Variants in MED25 observed in about 807,000 individuals in gnomAD.
The protein encoded by MED25 is mediator of RNA polymerase II transcription subunit 25.
Under a neutral mutation model 89.4 loss-of-function variants are expected in MED25, and 62 were observed. The ratio of observed to expected loss-of-function variants is 0.69; its 90% CI spans 0.57 to 0.86. MED25 has a LOEUF of 0.86. Ranked by LOEUF, MED25 falls within the 40% of genes least tolerant of loss-of-function variation. The pLI, the probability that MED25 is intolerant of heterozygous loss-of-function variation, is 0.00. For synonymous variants in MED25, 449 were observed against 427.9 expected (o/e 1.05, Z -0.61); for missense variants, 905 against 1,005.2 (o/e 0.90, Z 1.35).
chr19:49,826,516 A>G (rs536474341), intron 3 of MED25, among the ~76,000 whole-genome samples: 16 of 152,224 alleles, frequency 1.1e-4, no homozygotes, highest in Admixed American at 9.2e-4. Context: ...CAGGAAGCGG[A>G]GAGCCCCGCT....
At chr19:49,825,881 A>G (rs2074012201) in intron 3 of MED25, among the ~76,000 whole-genome samples, 1 of 152,022 alleles carries the variant, frequency 6.6e-6, no homozygotes, top group South Asian at 2.1e-4. Flanking sequence ...TGCATGAAGC[A>G]CTAGCTCCCC....
At position 49,829,199 on chromosome 19, in the gene MED25, G is replaced by A. The variant is rs774188120; in HGVS notation, c.525+109G>A. 3.6e-4 allele frequency: 350 copies of A among 979,646 alleles called. No individual in the cohort carries two copies. The highest frequency in any genetic ancestry group is 5.3e-4 in the Non-Finnish European group (336 of 636,054). The allele number at this position is 979,646 out of a possible 1,614,324, so 60.7% of individuals were successfully genotyped here. The stretch of plus-strand genomic sequence containing the variant: ...CCTGGGTCTGAGGGAGGAGGCACTG[G>A]GGGCCTGGACTCTTGGGTCTAAGCG... On this transcript the variant is annotated intron_variant, in intron 5 of 17. Coordinates refer to ENST00000312865, the MANE Select transcript of MED25 (RefSeq NM_030973.4). The surrounding 1 kb of genome is among the most constrained non-coding windows in gnomAD (Gnocchi z 4.6).
downstream of MED25, chr19:49,838,565 TG>T (rs1218057016): frequency 1.1e-5 from 5 of 457,286 alleles, no homozygotes; most frequent in Non-Finnish European, 2.2e-5. Flanking sequence ...CTTGTACCCA[TG>T]TCTCTATCAC....
At chr19:49,832,499 G>A (rs1337300692) in intron 13 of MED25, 84 bp downstream of exon 13, 5 of 872,980 alleles carry the variant, frequency 5.7e-6, no homozygotes, top group Non-Finnish European at 7.5e-6. Flanking sequence ...CAGAGTGCCT[G>A]GGCCCACGGA....
In MED25 at chr19:49,828,954, C is replaced by A. The variant is rs1394323521; in HGVS notation, c.405-16C>A. 6.8e-6 allele frequency: 11 copies of A among 1,613,940 alleles called. No homozygotes were observed. Among genetic ancestry groups the A allele is most frequent in the Non-Finnish European group, 8.5e-6 (10 of 1,179,970 alleles). ...TCTGTTGCTGCTGGCTCCATGTCTT[C>A]TCTCTTTCCTGGTAGTGGCCAGACG... On this transcript the variant is annotated splice_polypyrimidine_tract_variant and intron_variant, in intron 4 of 17. Transcript: ENST00000312865.
At chr19:49,827,927 T>A (rs952406629) in intron 3 of MED25, among the ~76,000 whole-genome samples, 4 of 152,010 alleles carry the variant, frequency 2.6e-5, no homozygotes, top group Admixed American at 2.0e-4. Flanking sequence ...CCAGTCCTCA[T>A]GATTAAAGAC....
At chr19:49,826,052 G>GT (rs1161450916) in intron 3 of MED25, among the ~76,000 whole-genome samples, 3 of 151,958 alleles carry the variant, frequency 2.0e-5, no homozygotes, top group Non-Finnish European at 4.4e-5. Context: ...GTGCAAAGCT[G>GT]TCTTGATGCC....
At chr19:49,827,414 T>C (rs917197897) in intron 3 of MED25, among the ~76,000 whole-genome samples, 6 of 152,078 alleles carry the variant, frequency 3.9e-5, no homozygotes, top group Non-Finnish European at 8.8e-5. Flanking sequence ...AAGTCCAAAA[T>C]CCAGGTGGTA....
chr19:49,831,878 C>A lies in MED25; in HGVS notation c.1231-58C>A. 6.7e-7 allele frequency: 1 copy of A among 1,502,870 alleles called. No individual in the cohort carries two copies. The highest frequency in any genetic ancestry group is 9.3e-7 in the Non-Finnish European group (1 of 1,079,130). The allele number at this position is 1,502,870 out of a possible 1,614,324, so 93.1% of individuals were successfully genotyped here. ...GGGCTACCAGGGTAGGACATGAGGG[C>A]TCAAGGGGACTGAGGCTTATGGCCC... is the stretch of plus-strand genomic sequence containing the variant. On this transcript the variant is annotated intron_variant, in intron 10 of 17. Transcript: ENST00000312865. This position sits in a 1 kb window ranked among gnomAD's most constrained non-coding sequence, Gnocchi z 5.0.
intron 2 of MED25, 165 bp downstream of exon 2, chr19:49,818,781 T>G: frequency 1.4e-6 from 1 of 729,240 alleles, no homozygotes. Flanking sequence ...GGGCCTGGAC[T>G]CCTGGGTCTG....
Position 49,836,727 on chromosome 19 carries a change from G to A in MED25, c.2147-120G>A. ...GGAAACAGCATATTTGTAACTAGAT[G>A]GGGCCAGAAGGTGCTTCTGTTGGGT... On this transcript the variant is annotated intron_variant, in intron 17 of 17. Coordinates refer to ENST00000312865, the MANE Select transcript of MED25 (RefSeq NM_030973.4). The surrounding 1 kb of genome is among the most constrained non-coding windows in gnomAD (Gnocchi z 5.1). 1.3e-6 allele frequency: 1 copy of A among 786,032 alleles called. No individual in the cohort carries two copies. The highest frequency in any genetic ancestry group is 2.2e-6 in the Non-Finnish European group (1 of 447,980). 48.7% of individuals were successfully genotyped at this position (786,032 alleles called of 1,614,324 possible).
In MED25 at chr19:49,836,110, C is replaced by G; in HGVS notation, c.1966-116C>G. 6.6e-7 allele frequency: 1 copy of G among 1,516,812 alleles called. No individual in the cohort carries two copies. The highest frequency in any genetic ancestry group is 9.0e-7 in the Non-Finnish European group (1 of 1,113,848). 94.0% of individuals were successfully genotyped at this position (1,516,812 alleles called of 1,614,324 possible). ...CCGCCTCCTCTCCGTCCATCCCCCA[C>G]CTTTGAAGAAAAACTTCCCCTCACC... On this transcript the variant is annotated intron_variant, in intron 16 of 17. Coordinates refer to ENST00000312865, the MANE Select transcript of MED25 (RefSeq NM_030973.4). The surrounding 1 kb of genome is among the most constrained non-coding windows in gnomAD (Gnocchi z 5.1).
intron 3 of MED25, among the ~76,000 whole-genome samples, chr19:49,823,460 C>T (rs1329011956): frequency 6.6e-6 from 1 of 152,026 alleles, no homozygotes; most frequent in Non-Finnish European, 1.5e-5. Flanking sequence ...GTATTAAGTG[C>T]CGTGTAAGTG....
intron 3 of MED25, chr19:49,819,561 T>C (rs1407728867): frequency 4.4e-6 from 2 of 455,852 alleles, no homozygotes; most frequent in Non-Finnish European, 8.1e-6. Context: ...TGAGGGTGAT[T>C]GTGTTTTTGT....
chr19:49,835,192 T>C lies in MED25; in HGVS notation c.1674+15T>C. On this transcript the variant is annotated intron_variant, in intron 14 of 17. Coordinates refer to ENST00000312865, the MANE Select transcript of MED25 (RefSeq NM_030973.4). This position sits in a 1 kb window ranked among gnomAD's most constrained non-coding sequence, Gnocchi z 6.2. The stretch of plus-strand genomic sequence containing the variant: ...AGCAGCGAGGAGTGAGTGTTGACAG[T>C]CCCCAAACCAGCACTCCGACCCCCT... 1 of 1,613,494 alleles carries C rather than the reference T, an allele frequency of 6.2e-7. No individual in the cohort carries two copies. Among genetic ancestry groups the C allele is most frequent in the Non-Finnish European group, 8.5e-7 (1 of 1,179,858 alleles).
chr19:49,830,464 G>A lies in MED25; in HGVS notation c.820-47G>A, dbSNP rs372708510. 3 of 1,572,582 alleles carry A rather than the reference G, an allele frequency of 1.9e-6. No homozygotes were observed. Among genetic ancestry groups the A allele is most frequent in the East Asian group, 4.5e-5 (2 of 44,684 alleles). ...ACCTCGTGGGATACCAGGACTGGGG[G>A]GCCATGGTCCTCACCAGTCCCTTCC... On this transcript the variant is annotated intron_variant, in intron 7 of 17. Transcript: ENST00000312865. The surrounding 1 kb of genome is among the most constrained non-coding windows in gnomAD (Gnocchi z 4.6).
chr19:49,837,482 C>T (rs2074107919), downstream of MED25, among the ~76,000 whole-genome samples: 1 of 152,140 alleles, frequency 6.6e-6, no homozygotes, highest in South Asian at 2.1e-4. Flanking sequence ...CATGGTTTGT[C>T]CTGGGGACAC....
At chr19:49,828,590 C>T (rs1215463188) in intron 4 of MED25, 43 bp downstream of exon 4, 1 of 1,500,856 alleles carries the variant, frequency 6.7e-7, no homozygotes, top group South Asian at 1.1e-5. Context: ...CTCTCTCTGC[C>T]TGGCCTGGAA....
At chr19:49,818,688 G>A in intron 2 of MED25, 72 bp downstream of exon 2, 2 of 1,425,556 alleles carry the variant, frequency 1.4e-6, no homozygotes, top group Admixed American at 1.7e-5. Flanking sequence ...GAGGGAGGGA[G>A]AAAGGGCTGG....
Sources: gnomAD v4.1 joint callset for allele counts (sites outside exome capture counted in the v4.1 genomes callset) on GRCh38, gnomAD v4.1.1 for gene constraint, Gnocchi (gnomAD v3.1) non-coding constraint, MANE v1.5 for transcripts, NCBI Gene and HGNC (gene_info 2026-07-23, HGNC 2026-07-21) for gene names.